TRMU: variants seen among roughly 807,000 people sequenced by gnomAD.
TRMU encodes the protein mitochondrial tRNA-specific 2-thiouridylase 1.
In TRMU, 49 loss-of-function variants were observed where a neutral mutation model predicts 46.9. That is an observed-to-expected ratio of 1.05 (90% CI 0.83 to 1.33). The LOEUF is 1.33. TRMU is among the 40% of genes most tolerant of loss of function. The pLI is 0.00. For synonymous variants in TRMU, 241 were observed against 200.9 expected (o/e 1.20, Z -1.69); for missense variants, 572 against 532.4 (o/e 1.07, Z -0.73).
At chr22:46,346,813 CTG>C (rs1215062837) in intron 4 of TRMU, among the ~76,000 whole-genome samples, 2 of 152,350 alleles carry the variant, frequency 1.3e-5, no homozygotes, top group South Asian at 4.1e-4. Context: ...GCTCTCGACA[CTG>C]TGTGGTGATT....
chr22:46,337,870 CAGA>C lies in TRMU; in HGVS notation c.175_177del (p.Arg59del). On this transcript the variant is annotated inframe_deletion, in exon 2 of 11. Transcript: ENST00000645190. ...CCGACAAAGACTGTGAAGATGCTTA[CAGA>C]GTTTGCCAGATCTTAGACATCCCTT... is the stretch of plus-strand genomic sequence containing the variant. 1 of 1,614,228 alleles carries C rather than the reference CAGA, an allele frequency of 6.2e-7. No homozygotes were observed. The highest frequency in any genetic ancestry group is 8.5e-7 in the Non-Finnish European group (1 of 1,180,048).
rs904459521 is a variant in TRMU at position 46,336,959 on chromosome 22, A to G, written c.83-820A>G. On this transcript the variant is annotated intron_variant, in intron 1 of 10. Transcript: ENST00000645190. The surrounding 1 kb of genome is among the most constrained non-coding windows in gnomAD (Gnocchi z 4.1). ...GTGGGCTGGTTCTGGCCAGATGGAG[A>G]TGGAAGGAGAGGAGCCTGGAGCACG... Among the ~76,000 whole-genome samples, 3 of 152,080 alleles carry G rather than the reference A, an allele frequency of 2.0e-5. No individual in the cohort carries two copies. Among genetic ancestry groups the G allele is most frequent in the African/African-American group, 4.8e-5 (2 of 41,396 alleles).
At position 46,350,616 on chromosome 22, in the gene TRMU, T is replaced by C. The variant is rs753780809; in HGVS notation, c.651+153T>C. ...TGGAGCAATAGATGGAGGAGTTTGC[T>C]GAGGCGCACGGTACAGGGCTCTGCT... On this transcript the variant is annotated intron_variant, in intron 5 of 10. Coordinates refer to ENST00000645190, the MANE Select transcript of TRMU (RefSeq NM_018006.5). This position sits in a 1 kb window ranked among gnomAD's most constrained non-coding sequence, Gnocchi z 4.6. Among the ~76,000 whole-genome samples the C allele has an allele frequency of 1.3e-5, 2 of 152,232 alleles. No homozygotes were observed. Among genetic ancestry groups the C allele is most frequent in the Non-Finnish European group, 2.9e-5 (2 of 68,040 alleles).
rs75292658 is a variant in TRMU, at chr22:46,355,315, C to A, written c.874-129C>A. On this transcript the variant is annotated intron_variant, in intron 8 of 10. Transcript: ENST00000645190. ...ATGAATTTCTGTGGGTAGAACACTT[C>A]GAGCGGTGCCAGCACCGTTACCTGT... 16 of 1,387,338 alleles carry A rather than the reference C, an allele frequency of 1.2e-5. No individual in the cohort carries two copies. The African/African-American group carries it at 1.9e-4, about 16-fold the overall frequency. The allele number at this position is 1,387,338 out of a possible 1,614,324, so 85.9% of individuals were successfully genotyped here.
chr22:46,343,402 T>A (rs78664597), intron 3 of TRMU, 34 bp downstream of exon 3: 14 of 1,475,116 alleles, frequency 9.5e-6, no homozygotes, highest in African/African-American at 1.4e-5. Flanking sequence ...TTTTTTTTTT[T>A]AAAGACAGGG....
In TRMU at chr22:46,357,107, G is replaced by C; in HGVS notation, c.*101G>C. 1 of 1,535,724 alleles carries C rather than the reference G, an allele frequency of 6.5e-7. No individual in the cohort carries two copies. The highest frequency in any genetic ancestry group is 8.9e-7 in the Non-Finnish European group (1 of 1,128,524). ...AAGGGCCAGCTTGCTGCTGCCCAAA[G>C]CAGAGGAAGCCGGGCTGGCTGAGGG... On this transcript the variant is annotated 3_prime_UTR_variant, in exon 11 of 11. Transcript: ENST00000645190.
chr22:46,342,178 C>T lies in TRMU; in HGVS notation c.249-1084C>T, dbSNP rs1383080649. ...CACAACAGCAGTCGAAAGTATGGGC[C>T]TCTAGAACTTATGACCAACTGGCTT... On this transcript the variant is annotated intron_variant, in intron 2 of 10. Coordinates refer to ENST00000645190, the MANE Select transcript of TRMU (RefSeq NM_018006.5). The surrounding 1 kb of genome is among the most constrained non-coding windows in gnomAD (Gnocchi z 4.7). Among the ~76,000 whole-genome samples the T allele has an allele frequency of 6.6e-6, 1 of 152,248 alleles. No homozygotes were observed. Among genetic ancestry groups the T allele is most frequent in the Non-Finnish European group, 1.5e-5 (1 of 68,046 alleles).
chr22:46,343,390 CA>C (rs780543874), intron 3 of TRMU, 22 bp downstream of exon 3: 33 of 1,570,184 alleles, frequency 2.1e-5, no homozygotes, highest in South Asian at 1.6e-4. Flanking sequence ...GGGTTTAAAA[CA>C]TTTTTTTTTT....
chr22:46,353,885 T>C lies in TRMU; in HGVS notation c.873+18T>C, dbSNP rs780171498. 1.2e-6 allele frequency: 2 copies of C among 1,611,154 alleles called. No individual in the cohort carries two copies. The highest frequency in any genetic ancestry group is 1.7e-6 in the Non-Finnish European group (2 of 1,177,814). On this transcript the variant is annotated intron_variant, in intron 8 of 10. Transcript: ENST00000645190. Reference sequence around the variant, plus strand: ...TGTTTGTGGTGAGTGGGCCGGCCTCTGAGACAGCACTGGGGCTGGTTCTGG... The same window carrying C: ...TGTTTGTGGTGAGTGGGCCGGCCTCCGAGACAGCACTGGGGCTGGTTCTGG...
Position 46,346,524 on chromosome 22 carries a change from A to G in TRMU, c.458A>G (p.Asn153Ser). 6.2e-7 allele frequency: 1 copy of G among 1,612,028 alleles called. No individual in the cohort carries two copies. Among genetic ancestry groups the G allele is most frequent in the South Asian group, 1.1e-5 (1 of 90,890 alleles). The part of the protein sequence containing the change: ...HVKKPEGLFR[N>S]RFEVRNAVKL... ...AAGAAGCCCGAAGGGCTTTTCAGAA[A>G]TCGGTTTGAAGTTAGAAATGGTAAG... The change falls in exon 4 of 11, where the codon AAT (asparagine) becomes AGT (serine). Residue 153 changes from asparagine to serine, a missense_variant. Coordinates refer to ENST00000645190, the MANE Select transcript of TRMU (RefSeq NM_018006.5).
In TRMU at chr22:46,356,932, C is replaced by T. The variant is rs34152016; in HGVS notation, c.1192C>T (p.Arg398Cys). The change falls in exon 11 of 11, where the codon CGC becomes TGC. Residue 398 changes from arginine (R) to cysteine (C), a missense_variant. Coordinates refer to ENST00000645190, the MANE Select transcript of TRMU (RefSeq NM_018006.5). The stretch of plus-strand genomic sequence containing the variant: ...TGCCTACACGCTCCAGAAGGGCCAG[C>T]GCAGAGCTGGGATGGCCACTGAGAG... The part of the protein sequence containing the change: ...PSAYTLQKGQ[R>C]RAGMATESPS... 10,086 of 1,613,246 alleles carry T rather than the reference C, an allele frequency of 6.3e-3. 489 individuals are homozygous for T. The African/African-American group carries it at 0.11, about 17-fold the overall frequency.
chr22:46,355,220 G>C (rs1201245286), intron 8 of TRMU: 1 of 657,578 alleles, frequency 1.5e-6, no homozygotes, highest in African/African-American at 1.8e-5. Context: ...ACTCTGACAT[G>C]GTACTTCCTT....
chr22:46,345,862 G>C (rs1296070115), intron 3 of TRMU, among the ~76,000 whole-genome samples: 1 of 151,568 alleles, frequency 6.6e-6, no homozygotes, highest in African/African-American at 2.4e-5. Context: ...CAACCTCCCA[G>C]GTTGAAGCAA....
Position 46,350,292 on chromosome 22 carries a change from G to A in TRMU, c.480G>A (p.Ala160=), listed in dbSNP as rs774025705. Residue 160 remains alanine (A), a splice_region_variant and synonymous_variant, in exon 5 of 11, where the codon GCG becomes GCA. Transcript: ENST00000645190. This position sits in a 1 kb window ranked among gnomAD's most constrained non-coding sequence, Gnocchi z 4.6. The part of the protein sequence containing the change: ...LFRNRFEVRN[A]VKLLQAADSF... Reference sequence around the variant, plus strand: ...TCTTTTGTTCTTTATTCTTGGCAGCGGTAAAACTCCTCCAGGCAGCTGACA... The same window carrying A: ...TCTTTTGTTCTTTATTCTTGGCAGCAGTAAAACTCCTCCAGGCAGCTGACA... The A allele has an allele frequency of 3.1e-6, 5 of 1,614,084 alleles. No individual in the cohort carries two copies. Among genetic ancestry groups the A allele is most frequent in the Non-Finnish European group, 2.5e-6 (3 of 1,180,014 alleles).
Position 46,357,105 on chromosome 22 carries a change from A to G in TRMU, c.*99A>G. The G allele has an allele frequency of 6.5e-7, 1 of 1,533,150 alleles. No individual in the cohort carries two copies. The highest frequency in any genetic ancestry group is 8.9e-7 in the Non-Finnish European group (1 of 1,126,102). The allele number at this position is 1,533,150 out of a possible 1,614,324, so 95.0% of individuals were successfully genotyped here. A position where few individuals can be genotyped will look rare whatever the true frequency, so the allele number is the denominator to read the frequency against. On this transcript the variant is annotated 3_prime_UTR_variant, in exon 11 of 11. Transcript: ENST00000645190. ...CCAAGGGCCAGCTTGCTGCTGCCCA[A>G]AGCAGAGGAAGCCGGGCTGGCTGAG... is the stretch of plus-strand genomic sequence containing the variant.
At position 46,355,551 on chromosome 22, in the gene TRMU, G is replaced by A; in HGVS notation, c.981G>A (p.Met327Ile). 1 of 1,613,350 alleles carries A rather than the reference G, an allele frequency of 6.2e-7. No individual in the cohort carries two copies. Among genetic ancestry groups the A allele is most frequent in the Non-Finnish European group, 8.5e-7 (1 of 1,180,042 alleles). ...CAGCACTGGTCCGGGACAAGATGAT[G>A]GAGTGCCACTTCCGATTCCGCCACC... Reference protein sequence around the residue: ...PPAALVRDKMMECHFRFRHQM... With the variant: ...PPAALVRDKMIECHFRFRHQM... The change falls in exon 9 of 11, where the codon ATG becomes ATA. Residue 327 changes from methionine (M) to isoleucine (I), a missense_variant. By Grantham distance (10) the Met-to-Ile change is conservative. Coordinates refer to ENST00000645190, the MANE Select transcript of TRMU (RefSeq NM_018006.5).
In TRMU at chr22:46,343,319, C is replaced by T. The variant is rs1363615669; in HGVS notation, c.306C>T (p.Asn102=). 3 of 1,613,692 alleles carry T rather than the reference C, an allele frequency of 1.9e-6. No individual in the cohort carries two copies. In the African/African-American group the frequency reaches 4.0e-5, roughly 22 times the overall value. Residue 102 remains asparagine (N), a synonymous_variant, in exon 3 of 11, where the codon AAC becomes AAT. Transcript: ENST00000645190. ...CTCCCAATCCTGACATAGTTTGCAACAAGCACATCAAATTTAGTTGCTTTT... is the reference window on the plus strand; with the variant it reads ...CTCCCAATCCTGACATAGTTTGCAATAAGCACATCAAATTTAGTTGCTTTT... ...GRTPNPDIVC[N]KHIKFSCFFH...
rs2078575471 is a variant in TRMU at position 46,355,531 on chromosome 22, C to T, written c.961C>T (p.Leu321=). 6.2e-7 allele frequency: 1 copy of T among 1,613,302 alleles called. No homozygotes were observed. The highest frequency in any genetic ancestry group is 2.2e-5 in the East Asian group (1 of 44,866). Residue 321 remains leucine (L), a synonymous_variant, in exon 9 of 11, where the codon CTG becomes TTG. Transcript: ENST00000645190. ...HWIAEEPPAA[L]VRDKMMECHF... Reference sequence around the variant, plus strand: ...GATTGCGGAGGAGCCTCCCGCAGCACTGGTCCGGGACAAGATGATGGAGTG... The same window carrying T: ...GATTGCGGAGGAGCCTCCCGCAGCATTGGTCCGGGACAAGATGATGGAGTG...
At position 46,336,083 on chromosome 22, in the gene TRMU, TCCACCCACGCGCGC is replaced by T. The variant is rs1159041507; in HGVS notation, c.82+246_82+259del. The T allele has an allele frequency of 2.2e-6, 3 of 1,369,094 alleles. No individual in the cohort carries two copies. In the African/African-American group the frequency reaches 4.6e-5, roughly 21 times the overall value. The allele number at this position is 1,369,094 out of a possible 1,614,324, so 84.8% of individuals were successfully genotyped here. A position where few individuals can be genotyped will look rare whatever the true frequency, so the allele number is the denominator to read the frequency against. ...ACCTGGGAGCAGTTCCGCGCCCCTC[TCCACCCACGCGCGC>T]CCACCCACAGTGAGAAGCCGGCGGG... On this transcript the variant is annotated intron_variant, in intron 1 of 10. Transcript: ENST00000645190. The surrounding 1 kb of genome is among the most constrained non-coding windows in gnomAD (Gnocchi z 4.1).
Sources: gnomAD v4.1 joint callset for allele counts (sites outside exome capture counted in the v4.1 genomes callset) on GRCh38, gnomAD v4.1.1 for gene constraint, Gnocchi (gnomAD v3.1) non-coding constraint, MANE v1.5 for transcripts, NCBI Gene and HGNC (gene_info 2026-07-23, HGNC 2026-07-21) for gene names.